Variants in SREBF2 observed in about 807,000 individuals in gnomAD.
SREBF2 encodes the protein sterol regulatory element binding transcription factor 2, also known as sterol regulatory element-binding protein 2.
In SREBF2, 55 loss-of-function variants were observed where a neutral mutation model predicts 113.1. The ratio of observed to expected loss-of-function variants is 0.49; its 90% CI spans 0.39 to 0.61. The LOEUF (loss-of-function observed/expected upper bound fraction) is 0.61. Among genes scored for constraint, SREBF2 ranks in the 20% least tolerant of loss-of-function variants. The pLI is 0.00. For missense variants in SREBF2, 1,349 were observed against 1,487.4 expected, an observed-to-expected ratio of 0.91 and a Z score of 1.53; for synonymous variants, 593 against 605.7, an observed-to-expected ratio of 0.98 and a Z score of 0.31.
intron 1 of SREBF2, among the ~76,000 whole-genome samples, chr22:41,851,673 T>C (rs2076932136): frequency 6.6e-6 from 1 of 151,984 alleles, no homozygotes; most frequent in Admixed American, 6.5e-5. Flanking sequence ...TTTTGTATTT[T>C]AAGTAGAGAG....
At chr22:41,895,076 T>G in intron 13 of SREBF2, 139 bp downstream of exon 13, 1 of 712,340 alleles carries the variant, frequency 1.4e-6, no homozygotes, top group Non-Finnish European at 2.5e-6. Flanking sequence ...CCTTTGTATT[T>G]AATTTCTCAA....
intron 1 of SREBF2, among the ~76,000 whole-genome samples, chr22:41,863,461 G>A (rs888631284): frequency 2.0e-5 from 3 of 152,182 alleles, no homozygotes; most frequent in African/African-American, 7.2e-5. Context: ...ATTCTAAAAG[G>A]TTCAACAAAT....
chr22:41,896,638 C>G (rs536657420), intron 13 of SREBF2, among the ~76,000 whole-genome samples: 3 of 152,196 alleles, frequency 2.0e-5, no homozygotes, highest in Non-Finnish European at 4.4e-5. Context: ...GGATTACAGG[C>G]GTGAGCCACC....
Position 41,867,223 on chromosome 22 carries a change from C to T in SREBF2, c.481C>T (p.Gln161Ter). 1 of 1,614,248 alleles carries T rather than the reference C, an allele frequency of 6.2e-7. No homozygotes were observed. The highest frequency in any genetic ancestry group is 8.5e-7 in the Non-Finnish European group (1 of 1,180,050). Residue 161 changes from glutamine (Q) to a stop codon, truncating the protein, a stop_gained, in exon 2 of 19, where the codon CAG becomes TAG. Coordinates refer to ENST00000361204, the MANE Select transcript of SREBF2 (RefSeq NM_004599.4). LOFTEE classifies it high-confidence loss of function. ...CACGCCAACATTCAGCACCACTCCG[C>T]AGACGAGGATCATCCAGCAGCCTTT... Reference protein sequence around the residue: ...MITPTFSTTPQTRIIQQPLIY... With the variant: ...MITPTFSTTP
intron 1 of SREBF2, among the ~76,000 whole-genome samples, chr22:41,844,935 C>T (rs2076863486): frequency 1.0e-5 from 1 of 96,150 alleles, no homozygotes; most frequent in South Asian, 4.4e-4. Flanking sequence ...TTTCCACCCC[C>T]ACCCCCCACC....
At chr22:41,870,334 C>G (rs549467598) in intron 3 of SREBF2, among the ~76,000 whole-genome samples, 4 of 152,234 alleles carry the variant, frequency 2.6e-5, no homozygotes, top group Non-Finnish European at 4.4e-5. Context: ...CCTAAAAACC[C>G]ATGACCTGGC....
chr22:41,905,431 T>A lies in SREBF2; in HGVS notation c.3206-9T>A, dbSNP rs1197684005. 1.2e-5 allele frequency: 19 copies of A among 1,565,336 alleles called. No individual in the cohort carries two copies. Among genetic ancestry groups the A allele is most frequent in the Non-Finnish European group, 1.6e-5 (18 of 1,157,198 alleles). ...ATTCTCGGTTGTGACACACATCTCC[T>A]TCCCACAGGAGAGGTGGATGCCTGG... On this transcript the variant is annotated splice_polypyrimidine_tract_variant and intron_variant, in intron 18 of 18. Transcript: ENST00000361204.
chr22:41,854,413 C>T (rs927000709), intron 1 of SREBF2, among the ~76,000 whole-genome samples: 5 of 151,428 alleles, frequency 3.3e-5, no homozygotes, highest in Non-Finnish European at 5.9e-5. Context: ...CCACCCGCCT[C>T]GGCCTCCCAA....
At chr22:41,845,900 G>A (rs2076873043) in intron 1 of SREBF2, among the ~76,000 whole-genome samples, 1 of 152,294 alleles carries the variant, frequency 6.6e-6, no homozygotes, top group East Asian at 1.9e-4. Context: ...GGAAGGTCTG[G>A]GATGTTGTCC....
At chr22:41,878,930 G>A (rs1221841573) in intron 9 of SREBF2, among the ~76,000 whole-genome samples, 10 of 152,222 alleles carry the variant, frequency 6.6e-5, no homozygotes, top group Admixed American at 6.5e-4. Context: ...ATATCCTAGA[G>A]GCAGGTTCAG....
intron 1 of SREBF2, among the ~76,000 whole-genome samples, chr22:41,839,837 A>G (rs2076810790): frequency 6.6e-6 from 1 of 152,152 alleles, no homozygotes; most frequent in Non-Finnish European, 1.5e-5. Flanking sequence ...AAACTTGTGT[A>G]CAAGTTGCTG....
chr22:41,834,428 T>C (rs1602255998), intron 1 of SREBF2: 1 of 152,698 alleles, frequency 6.5e-6, no homozygotes, highest in African/African-American at 2.4e-5. Flanking sequence ...TGTTGACTTA[T>C]CTAAGGCCAC....
chr22:41,887,526 A>G (rs1171118611), intron 11 of SREBF2, among the ~76,000 whole-genome samples: 3 of 152,238 alleles, frequency 2.0e-5, no homozygotes, highest in African/African-American at 7.2e-5. Flanking sequence ...ATTTTGCTCA[A>G]TATCATGTGT....
At chr22:41,839,807 A>G (rs903052303) in intron 1 of SREBF2, among the ~76,000 whole-genome samples, 7 of 152,148 alleles carry the variant, frequency 4.6e-5, no homozygotes, top group Admixed American at 6.5e-5. Flanking sequence ...CTCTGGCTAC[A>G]TTATGAATGA....
intron 11 of SREBF2, chr22:41,886,045 A>G (rs979880329): frequency 2.0e-5 from 3 of 152,238 alleles, no homozygotes; most frequent in Non-Finnish European, 4.4e-5. Flanking sequence ...AATATGACTG[A>G]GCACCGTCTC....
intron 1 of SREBF2, among the ~76,000 whole-genome samples, chr22:41,838,699 C>T (rs1332815004): frequency 6.6e-6 from 1 of 152,144 alleles, no homozygotes; most frequent in African/African-American, 2.4e-5. Flanking sequence ...TGCCACTGTA[C>T]TCCAGCCTAG....
chr22:41,844,596 A>C (rs2076860375), intron 1 of SREBF2, among the ~76,000 whole-genome samples: 1 of 152,156 alleles, frequency 6.6e-6, no homozygotes, highest in Admixed American at 6.5e-5. Flanking sequence ...AAACTAGAAA[A>C]TTTCTGCATA....
intron 1 of SREBF2, among the ~76,000 whole-genome samples, chr22:41,864,164 C>A (rs1253502416): frequency 1.4e-5 from 2 of 139,580 alleles, no homozygotes; most frequent in African/African-American, 2.7e-5. Flanking sequence ...CAAGCATAAG[C>A]CACCACCCCT....
intron 7 of SREBF2, among the ~76,000 whole-genome samples, chr22:41,876,859 A>G (rs1324182992): frequency 6.6e-6 from 1 of 152,194 alleles, no homozygotes; most frequent in Non-Finnish European, 1.5e-5. Flanking sequence ...ACCCCTCTCC[A>G]GCCTCAGACA....
Sources: allele counts gnomAD v4.1 joint callset (sites outside exome capture counted in the v4.1 genomes callset), GRCh38; gene constraint gnomAD v4.1.1; transcripts MANE v1.5; gene names NCBI Gene and HGNC (gene_info 2026-07-23, HGNC 2026-07-21).